RNF138: variants seen among roughly 807,000 people sequenced by gnomAD.
RNF138 encodes the protein E3 ubiquitin-protein ligase RNF138.
A neutral mutation model predicts 31.0 loss-of-function variants in RNF138; 12 were observed. That is an observed-to-expected ratio of 0.39 (90% CI 0.25 to 0.63). The LOEUF is 0.63. Ranked by LOEUF, RNF138 falls within the 20% of genes least tolerant of loss-of-function variation. The pLI is 0.52. For missense variants in RNF138, 192 were observed against 300.1 expected, an observed-to-expected ratio of 0.64 and a Z score of 2.66; for synonymous variants, 105 against 99.5, an observed-to-expected ratio of 1.06 and a Z score of -0.33.
intron 2 of RNF138, among the ~76,000 whole-genome samples, chr18:32,106,258 A>G (rs1222770274): frequency 6.6e-6 from 1 of 152,166 alleles, no homozygotes; most frequent in Non-Finnish European, 1.5e-5. Flanking sequence ...TTTTTTCCAT[A>G]AGCCCTATAA....
At position 32,124,929 on chromosome 18, in the gene RNF138, G is replaced by A. The variant is rs1010769481; in HGVS notation, c.561+84G>A. 48 of 724,178 alleles carry A rather than the reference G, an allele frequency of 6.6e-5. No individual in the cohort carries two copies. In the African/African-American group the frequency reaches 7.3e-4, roughly 11 times the overall value. The allele number at this position is 724,178 out of a possible 1,614,324, so 44.9% of individuals were successfully genotyped here. A position where few individuals can be genotyped will look rare whatever the true frequency, so the allele number is the denominator to read the frequency against. On this transcript the variant is annotated intron_variant, in intron 6 of 7. Transcript: ENST00000261593. ...TTTCACTTCATGTATGCAAGAGAAA[G>A]TAGTTGATTTATATTTGGTTGGGGC... is the stretch of plus-strand genomic sequence containing the variant.
At chr18:32,111,084 CG>C (rs1446444771) in intron 2 of RNF138, among the ~76,000 whole-genome samples, 2 of 152,202 alleles carry the variant, frequency 1.3e-5, no homozygotes, top group African/African-American at 2.4e-5. Context: ...CCGGCAAAGC[CG>C]GAAGTATTCT....
intron 4 of RNF138, 37 bp downstream of exon 4, chr18:32,113,897 A>G (rs1363206922): frequency 9.6e-7 from 1 of 1,041,250 alleles, no homozygotes; most frequent in Non-Finnish European, 1.4e-6. Context: ...GAATTTTCAT[A>G]ATTGAAATGG....
At chr18:32,115,400 CTCTAA>C (rs1049483083) in intron 4 of RNF138, among the ~76,000 whole-genome samples, 2 of 152,098 alleles carry the variant, frequency 1.3e-5, no homozygotes, top group African/African-American at 4.8e-5. Flanking sequence ...GGTAGTTATC[CTCTAA>C]TCTGTTTTAC....
intron 2 of RNF138, among the ~76,000 whole-genome samples, chr18:32,095,023 T>C (rs116520179): frequency 1.8e-3 from 279 of 152,318 alleles, no homozygotes; most frequent in African/African-American, 5.2e-3. Context: ...AATCAACTTA[T>C]TGTACGTAGA....
chr18:32,102,828 A>G (rs547308758), intron 2 of RNF138, among the ~76,000 whole-genome samples: 2 of 151,810 alleles, frequency 1.3e-5, no homozygotes, highest in African/African-American at 4.8e-5. Context: ...ACGGGGTTTC[A>G]CCATGTTGGC....
At chr18:32,106,126 G>T (rs1028552157) in intron 2 of RNF138, among the ~76,000 whole-genome samples, 11 of 152,188 alleles carry the variant, frequency 7.2e-5, no homozygotes, top group Admixed American at 7.2e-4. Flanking sequence ...AAAAATTTTA[G>T]GGTGAAGTGT....
At chr18:32,094,678 T>G (rs915335826) in intron 2 of RNF138, among the ~76,000 whole-genome samples, 4 of 152,064 alleles carry the variant, frequency 2.6e-5, no homozygotes, top group Admixed American at 2.0e-4. Context: ...CATAACTTGG[T>G]CCCTTTCCAA....
intron 4 of RNF138, among the ~76,000 whole-genome samples, chr18:32,115,444 G>A (rs957926760): frequency 6.6e-6 from 1 of 152,056 alleles, no homozygotes; most frequent in South Asian, 2.1e-4. Context: ...TATTAATGAA[G>A]TATAAAAGAC....
chr18:32,128,981 A>ATGTT (rs113897874), intron 7 of RNF138, 138 bp from the exon 8 acceptor site: 2 of 603,876 alleles, frequency 3.3e-6, no homozygotes, highest in African/African-American at 1.8e-5. Flanking sequence ...ACTGTTATAT[A>ATGTT]TGTTTTACAT....
intron 2 of RNF138, 151 bp downstream of exon 2, chr18:32,093,037 C>T: frequency 2.1e-6 from 1 of 472,876 alleles, no homozygotes; most frequent in Non-Finnish European, 3.7e-6. Flanking sequence ...CCCCGCCCCT[C>T]AGAGTCCCGG....
chr18:32,092,745 G>GTCGCCA lies in RNF138; in HGVS notation c.-26_-21dup. 3 of 1,430,286 alleles carry GTCGCCA rather than the reference G, an allele frequency of 2.1e-6. No individual in the cohort carries two copies. In the East Asian group the frequency reaches 7.4e-5, roughly 35 times the overall value. 88.6% of individuals were successfully genotyped at this position (1,430,286 alleles called of 1,614,324 possible). A position where few individuals can be genotyped will look rare whatever the true frequency, so the allele number is the denominator to read the frequency against. ...CACCGTCACCTCGGCCGCTGCCGCT[G>GTCGCCA]TCGCCATCGCCTTGTTTCCCCATCC... On this transcript the variant is annotated 5_prime_UTR_variant, in exon 2 of 8. Coordinates refer to ENST00000261593, the MANE Select transcript of RNF138 (RefSeq NM_016271.5).
In RNF138 at chr18:32,131,231, T is replaced by C. The variant is rs2040472239; in HGVS notation, c.*2044T>C. On this transcript the variant is annotated 3_prime_UTR_variant, in exon 8 of 8. Coordinates refer to ENST00000261593, the MANE Select transcript of RNF138 (RefSeq NM_016271.5). ...TCTTGTGTGTCTCACATATCAGCTT[T>C]TTCATAAGGAAAATACTTTATTTGC... 6.6e-6 allele frequency: 1 copy of C among 152,142 alleles called. No homozygotes were observed. Among genetic ancestry groups the C allele is most frequent in the African/African-American group, 2.4e-5 (1 of 41,454 alleles). The allele number at this position is 152,142 out of a possible 1,614,324, so 9.4% of individuals were successfully genotyped here.
chr18:32,100,968 C>T (rs975901506), intron 2 of RNF138, among the ~76,000 whole-genome samples: 9 of 152,020 alleles, frequency 5.9e-5, no homozygotes, highest in East Asian at 1.9e-4. Context: ...GTATAGGTTT[C>T]GAGAGAGTAT....
At chr18:32,111,122 T>C (rs114331246) in intron 2 of RNF138, among the ~76,000 whole-genome samples, 2,448 of 152,352 alleles carry the variant, frequency 0.016, 34 homozygotes, top group African/African-American at 0.041. Context: ...TATGTTCCAT[T>C]GCATACTGTT....
intron 2 of RNF138, among the ~76,000 whole-genome samples, chr18:32,093,139 TCCCG>T (rs1568220600): frequency 1.3e-5 from 2 of 151,790 alleles, no homozygotes; most frequent in Non-Finnish European, 2.9e-5. Flanking sequence ...TCTCCCGCTC[TCCCG>T]CTCTCCCTGG....
chr18:32,095,532 C>A (rs967974668), intron 2 of RNF138, among the ~76,000 whole-genome samples: 2 of 152,120 alleles, frequency 1.3e-5, no homozygotes, highest in African/African-American at 4.8e-5. Context: ...AAAGGACAGA[C>A]CTATGCCTTT....
At chr18:32,112,920 T>A (rs2040157092) in intron 3 of RNF138, among the ~76,000 whole-genome samples, 1 of 152,240 alleles carries the variant, frequency 6.6e-6, no homozygotes, top group African/African-American at 2.4e-5. Flanking sequence ...AGCTGGTTGC[T>A]ATTTCATGCA....
In RNF138 at chr18:32,092,931, A is replaced by C; in HGVS notation, c.110+45A>C. On this transcript the variant is annotated intron_variant, in intron 2 of 7. Transcript: ENST00000261593. The stretch of plus-strand genomic sequence containing the variant: ...CCCTCGCGGAGCCGGGTTGTCGCTT[A>C]GGCCCGGCCTCCGGCCCGGGACCCC... 2.5e-6 allele frequency: 3 copies of C among 1,181,634 alleles called. No homozygotes were observed. The South Asian group carries it at 4.5e-5, about 18-fold the overall frequency. 73.2% of individuals were successfully genotyped at this position (1,181,634 alleles called of 1,614,324 possible).
Sources: gnomAD v4.1 joint callset for allele counts (sites outside exome capture counted in the v4.1 genomes callset) on GRCh38, gnomAD v4.1.1 for gene constraint, MANE v1.5 for transcripts, NCBI Gene and HGNC (gene_info 2026-07-23, HGNC 2026-07-21) for gene names.